Variants in CCND3 observed in about 807,000 individuals in gnomAD.
CCND3 encodes the protein cyclin D3, also known as G1/S-specific cyclin-D3.
In CCND3, 9 loss-of-function variants were observed where a neutral mutation model predicts 28.7. The observed-to-expected ratio is 0.31, with a 90% CI of 0.19 to 0.55. CCND3 has a LOEUF of 0.55. CCND3 is among the 20% of genes least tolerant of loss of function. The probability of loss-of-function intolerance (pLI) is 0.93; values close to 1 mark genes in which losing one functional copy is unlikely to be tolerated. For synonymous variants in CCND3, 164 were observed against 163.9 expected, an observed-to-expected ratio of 1.00 and a Z score of 0.00; for missense variants, 315 against 385.8, an observed-to-expected ratio of 0.82 and a Z score of 1.54.
chr6:42,016,994 A>G (rs1017602697), intron 1 of CCND3, among the ~76,000 whole-genome samples: 1 of 152,234 alleles, frequency 6.6e-6, no homozygotes, highest in African/African-American at 2.4e-5. Flanking sequence ...GAAACGTTAG[A>G]TAAATGAGTG....
intron 1 of CCND3, among the ~76,000 whole-genome samples, chr6:41,972,456 T>C (rs1762060507): frequency 6.6e-6 from 1 of 151,814 alleles, no homozygotes; most frequent in African/African-American, 2.4e-5. Context: ...GGCCATGGAG[T>C]TTAGATAGCC....
chr6:42,023,396 G>T (rs1434069529), intron 1 of CCND3, among the ~76,000 whole-genome samples: 1 of 152,216 alleles, frequency 6.6e-6, no homozygotes, highest in African/African-American at 2.4e-5. Flanking sequence ...TGTGGGGCAT[G>T]AGTTCAATGT....
In CCND3 at chr6:41,936,640, A is replaced by T; in HGVS notation, c.630T>A (p.Ala210=). Residue 210 remains alanine (A), a synonymous_variant, in exon 4 of 5, where the codon GCT becomes GCA. Transcript: ENST00000372991. This position sits in a 1 kb window ranked among gnomAD's most constrained non-coding sequence, Gnocchi z 4.4. ...PSMIATGSIG[A]AVQGLGACSM... The stretch of plus-strand genomic sequence containing the variant: ...AGCAGGCACCCAGGCCTTGCACTGC[A>T]GCCCCAATGCTGCCCGTGGCGATCA... The T allele has an allele frequency of 6.2e-7, 1 of 1,614,214 alleles. No homozygotes were observed. Among genetic ancestry groups the T allele is most frequent in the Admixed American group, 1.7e-5 (1 of 60,020 alleles).
chr6:41,979,102 C>T (rs184289265), intron 1 of CCND3, among the ~76,000 whole-genome samples: 2 of 121,202 alleles, frequency 1.7e-5, no homozygotes, highest in Non-Finnish European at 3.2e-5. Flanking sequence ...ACCCAGGAGT[C>T]GGAGGTTTCA....
intron 1 of CCND3, among the ~76,000 whole-genome samples, chr6:41,992,459 GC>G (rs1374792253): frequency 9.3e-6 from 1 of 107,690 alleles, no homozygotes; most frequent in Non-Finnish European, 1.8e-5. Context: ...ACCACACCCA[GC>G]CGGTTTTTTT....
At chr6:42,022,978 T>G (rs1763756243) in intron 1 of CCND3, among the ~76,000 whole-genome samples, 1 of 152,238 alleles carries the variant, frequency 6.6e-6, no homozygotes, top group African/African-American at 2.4e-5. Context: ...GGGGACCATG[T>G]ACGGGTACAG....
At chr6:41,955,529 C>T (rs192165031) in intron 1 of CCND3, among the ~76,000 whole-genome samples, 1 of 151,738 alleles carries the variant, frequency 6.6e-6, no homozygotes, top group East Asian at 1.9e-4. Context: ...CTTGGCAAAG[C>T]AGGGATAAGT....
intron 1 of CCND3, among the ~76,000 whole-genome samples, chr6:41,962,940 AC>A: frequency 6.6e-6 from 1 of 152,186 alleles, no homozygotes; most frequent in South Asian, 2.1e-4. Flanking sequence ...TTTAGTAGAG[AC>A]GGGGTTTCAC....
chr6:41,937,505 A>G, intron 2 of CCND3, 111 bp from the exon 3 acceptor site: 1 of 1,270,650 alleles, frequency 7.9e-7, no homozygotes. Flanking sequence ...TTTAAAGCCC[A>G]AGACCCCAGT....
chr6:42,023,096 C>T (rs1373701009), intron 1 of CCND3, among the ~76,000 whole-genome samples: 11 of 152,312 alleles, frequency 7.2e-5, no homozygotes, highest in South Asian at 2.1e-4. Flanking sequence ...CACAGACATG[C>T]GCAAAGCCAT....
At chr6:41,969,861 G>A (rs1295858685) in intron 1 of CCND3, among the ~76,000 whole-genome samples, 1 of 152,114 alleles carries the variant, frequency 6.6e-6, no homozygotes, top group Admixed American at 6.6e-5. Flanking sequence ...TGTGTGCTGT[G>A]TGGCCTGAGA....
intron 1 of CCND3, among the ~76,000 whole-genome samples, chr6:42,027,383 C>T (rs148865474): frequency 0.011 from 1,625 of 150,626 alleles, 44 homozygotes; most frequent in East Asian, 0.066. Context: ...GAGCTTGCAG[C>T]GAGCCGAGAT....
At chr6:41,956,360 A>G (rs549044464) in intron 1 of CCND3, among the ~76,000 whole-genome samples, 6 of 152,352 alleles carry the variant, frequency 3.9e-5, no homozygotes, top group Non-Finnish European at 8.8e-5. Context: ...ATGCCAGTTC[A>G]GTGGGCAGAA....
At chr6:41,948,852 AAAAAAAAG>A (rs1233523899) in intron 1 of CCND3, among the ~76,000 whole-genome samples, 6 of 150,994 alleles carry the variant, frequency 4.0e-5, no homozygotes, top group East Asian at 3.9e-4. Context: ...TCTCAAAAAA[AAAAAAAAG>A]AAAAAAAGAA....
chr6:42,047,285 A>G lies in CCND3; in HGVS notation c.-46+1216T>C, dbSNP rs1158571907. 2.6e-5 allele frequency among the ~76,000 whole-genome samples: 4 copies of G among 152,332 alleles called. No individual in the cohort carries two copies. In the South Asian group the frequency reaches 6.2e-4, roughly 24 times the overall value. On this transcript the variant is annotated intron_variant, in intron 1 of 4. Coordinates refer to the CCND3 transcript ENST00000372988. ...TGATTTGATTACCATGACATCCCCA[A>G]CAGCTGTGGGAATAGCCTGTGCAGA...
At position 41,954,021 on chromosome 6, in the gene CCND3, C is replaced by G. The variant is rs1183388257; in HGVS notation, c.-45-13436G>C. On this transcript the variant is annotated intron_variant, in intron 1 of 4. Coordinates refer to the CCND3 transcript ENST00000372988. Reference sequence around the variant, plus strand: ...ATCCCAGCACTTTGGGAGGCCAAGGCTGGTGGATCACTTGAGGCCAGGAGT... The same window carrying G: ...ATCCCAGCACTTTGGGAGGCCAAGGGTGGTGGATCACTTGAGGCCAGGAGT... Among the ~76,000 whole-genome samples the G allele has an allele frequency of 4.0e-5, 6 of 151,804 alleles. No homozygotes were observed. The East Asian group carries it at 7.7e-4, about 20-fold the overall frequency.
intron 1 of CCND3, among the ~76,000 whole-genome samples, chr6:41,993,925 TAAAAAAAAAAAAAAA>T (rs201027925): frequency 0.97 from 118,193 of 121,294 alleles, 57,713 homozygotes; most frequent in South Asian, 0.99. Flanking sequence ...ACTCTTGTCT[TAAAAAAAAAAAAAAA>T]AAAAAAAAAA....
At chr6:42,032,273 G>A (rs928407158) in intron 1 of CCND3, among the ~76,000 whole-genome samples, 2 of 152,144 alleles carry the variant, frequency 1.3e-5, no homozygotes, top group Non-Finnish European at 2.9e-5. Flanking sequence ...TTCTTGTACA[G>A]ATGGGGCCTT....
chr6:42,047,123 A>C (rs766213296), intron 1 of CCND3, among the ~76,000 whole-genome samples: 22 of 152,210 alleles, frequency 1.4e-4, no homozygotes, highest in Admixed American at 7.2e-4. Flanking sequence ...TAGTATTCTA[A>C]GCCCTTGAGG....
Sources: gnomAD v4.1 joint callset for allele counts (sites outside exome capture counted in the v4.1 genomes callset) on GRCh38, gnomAD v4.1.1 for gene constraint, Gnocchi (gnomAD v3.1) non-coding constraint, MANE v1.5 for transcripts, NCBI Gene and HGNC (gene_info 2026-07-23, HGNC 2026-07-21) for gene names.